The following STK33 variants were observed in gnomAD, a reference collection of about 807,000 sequenced individuals.
STK33 encodes the protein serine/threonine-protein kinase 33.
In STK33, 52 loss-of-function variants were observed where a neutral mutation model predicts 58.0. The ratio of observed to expected loss-of-function variants is 0.90; its 90% confidence interval spans 0.72 to 1.13. STK33 has a LOEUF of 1.13. Among genes scored for constraint, STK33 ranks in the 50% most tolerant of loss-of-function variants. The pLI, the probability that STK33 is intolerant of heterozygous loss-of-function variation, is 0.00. For synonymous variants in STK33, 215 were observed against 200.1 expected, an observed-to-expected ratio of 1.07 and a Z score of -0.63; for missense variants, 630 against 604.2, an observed-to-expected ratio of 1.04 and a Z score of -0.45.
intron 1 of STK33, among the ~76,000 whole-genome samples, chr11:8,560,874 A>G (rs1250311115): frequency 6.6e-6 from 1 of 152,150 alleles, no homozygotes; most frequent in Non-Finnish European, 1.5e-5. Flanking sequence ...CATAGCTGCT[A>G]TGTGGCAGTG....
chr11:8,351,697 G>A, the STK33 span, among the ~76,000 whole-genome samples: 117 of 152,330 alleles, frequency 7.7e-4, 1 homozygote, highest in Non-Finnish European at 1.4e-3. Context: ...AGCGTCGTCC[G>A]GAGGTGGACA....
intron 1 of STK33, among the ~76,000 whole-genome samples, chr11:8,535,663 A>T (rs1204176193): frequency 1.3e-5 from 2 of 152,216 alleles, no homozygotes; most frequent in Non-Finnish European, 2.9e-5. Context: ...GCCACTATGG[A>T]AAGCAGTATG....
intron 1 of STK33, among the ~76,000 whole-genome samples, chr11:8,538,577 C>T (rs1486674642): frequency 6.6e-6 from 1 of 152,168 alleles, no homozygotes; most frequent in East Asian, 1.9e-4. Flanking sequence ...TAAAAGATTA[C>T]TTTGTTGCCA....
At chr11:8,500,853 T>C (rs1591508117) in intron 1 of STK33, among the ~76,000 whole-genome samples, 2 of 152,130 alleles carry the variant, frequency 1.3e-5, no homozygotes, top group Non-Finnish European at 2.9e-5. Context: ...TAGGACAGAA[T>C]TGAGAGTCCA....
Position 8,406,075 on chromosome 11 carries a change from G to A in STK33, c.1344+7420C>T, listed in dbSNP as rs538144714. Among the ~76,000 whole-genome samples the A allele has an allele frequency of 1.5e-4, 23 of 149,404 alleles. No individual in the cohort carries two copies. In the South Asian group the frequency reaches 3.2e-3, roughly 21 times the overall value. Reference sequence around the variant, plus strand: ...GGAGAATGGCGGGAACCTGGGAGGCGGAGCTTGCAGTGAGCCGAGATCGCG... The same window carrying A: ...GGAGAATGGCGGGAACCTGGGAGGCAGAGCTTGCAGTGAGCCGAGATCGCG... On this transcript the variant is annotated intron_variant, in intron 15 of 15. Transcript: ENST00000687296.
At chr11:8,449,685 T>C (rs752789073) in intron 11 of STK33, among the ~76,000 whole-genome samples, 1 of 147,824 alleles carries the variant, frequency 6.8e-6, no homozygotes, top group Non-Finnish European at 1.5e-5. Context: ...TGTTAAATGA[T>C]GAGCTAATGG....
rs979214358 is a variant in STK33, at chr11:8,419,167, C to T, written c.1147-5475G>A. ...ATGAAATCTTTGCCGGTACCTATGTCCAGAATGGTGTTGCCTAGATTGTCT... is the reference window on the plus strand; with the variant it reads ...ATGAAATCTTTGCCGGTACCTATGTTCAGAATGGTGTTGCCTAGATTGTCT... On this transcript the variant is annotated intron_variant, in intron 14 of 15. Coordinates refer to ENST00000687296, the MANE Select transcript of STK33 (RefSeq NM_001352389.2). Among the ~76,000 whole-genome samples, 3 of 152,100 alleles carry T rather than the reference C, an allele frequency of 2.0e-5. No homozygotes were observed. The South Asian group carries it at 6.2e-4, about 32-fold the overall frequency.
At chr11:8,392,859 T>C (rs1848763670) in intron 15 of STK33, 149 bp from the exon 16 acceptor site, 5 of 715,410 alleles carry the variant, frequency 7.0e-6, no homozygotes, top group East Asian at 2.7e-5. Context: ...AAAATTATTA[T>C]TAAATGCCAA....
chr11:8,457,416 C>G lies in STK33; in HGVS notation c.622G>C (p.Gly208Arg), dbSNP rs772077540. 1 of 1,607,898 alleles carries G rather than the reference C, an allele frequency of 6.2e-7. No individual in the cohort carries two copies. Among genetic ancestry groups the G allele is most frequent in the Admixed American group, 1.7e-5 (1 of 59,972 alleles). ...CTTGTCTCATTCTCTGAGAAATGCC[C>G]TTTCCTATCCAGAATTTCTTTGAGT... ...GELKEILDRK[G>R]HFSENETRWI... The change falls in exon 9 of 16, where the codon GGG becomes CGG. Residue 208 changes from glycine to arginine, a missense_variant. Coordinates refer to ENST00000687296, the MANE Select transcript of STK33 (RefSeq NM_001352389.2).
chr11:8,569,545 C>A (rs1957663625), intron 1 of STK33, among the ~76,000 whole-genome samples: 1 of 152,184 alleles, frequency 6.6e-6, no homozygotes, highest in African/African-American at 2.4e-5. Flanking sequence ...TTATGACTTT[C>A]AGGTAAGTTA....
Position 8,392,557 on chromosome 11 carries a change from A to T in STK33, c.1498T>A (p.Tyr500Asn). 2 of 1,614,106 alleles carry T rather than the reference A, an allele frequency of 1.2e-6. No homozygotes were observed. Among genetic ancestry groups the T allele is most frequent in the Non-Finnish European group, 1.7e-6 (2 of 1,180,004 alleles). Residue 500 changes from tyrosine to asparagine, a missense_variant, in exon 16 of 16, where the codon TAC becomes AAC. By Grantham distance (143) the Tyr-to-Asn change is moderately radical. Transcript: ENST00000687296. ...GACAGGGCGCCGGATTTAGCAGGGT[A>T]CTTGGTTGCTGTTCCTTGGCTTGGA... is the stretch of plus-strand genomic sequence containing the variant. ...VTPSQGTATKYPAKSGALSRT... is the reference protein window; with the variant it reads ...VTPSQGTATKNPAKSGALSRT...
chr11:8,506,648 C>T (rs541218715), intron 1 of STK33, among the ~76,000 whole-genome samples: 4 of 152,164 alleles, frequency 2.6e-5, no homozygotes, highest in Middle Eastern at 3.4e-3. Context: ...AGATCCTTAA[C>T]CTTAATTAAT....
At chr11:8,468,166 G>A (rs1948407472) in intron 6 of STK33, among the ~76,000 whole-genome samples, 1 of 152,148 alleles carries the variant, frequency 6.6e-6, no homozygotes, top group South Asian at 2.1e-4. Context: ...CACATCTTAC[G>A]TGGATGGAAG....
intron 1 of STK33, among the ~76,000 whole-genome samples, chr11:8,550,443 C>T (rs1179177980): frequency 1.3e-5 from 2 of 152,172 alleles, no homozygotes; most frequent in African/African-American, 4.8e-5. Flanking sequence ...CCACACTCAA[C>T]CGGGATTTTC....
At position 8,527,478 on chromosome 11, in the gene STK33, G is replaced by GT. The variant is rs548742894; in HGVS notation, c.-465-46865dup. Among the ~76,000 whole-genome samples the GT allele has an allele frequency of 4.6e-3, 666 of 145,074 alleles. 5 individuals are homozygous for GT. The highest frequency in any genetic ancestry group is 0.027 in the South Asian group (125 of 4,614). ...TATGTTTCACAAGAAGTGAGTTTTT[G>GT]TTTTTTTTTTTAACAGTATCCCAAG... On this transcript the variant is annotated intron_variant, in intron 1 of 15. Transcript: ENST00000687296.
chr11:8,494,349 T>C (rs2138834171), intron 1 of STK33, among the ~76,000 whole-genome samples: 1 of 152,246 alleles, frequency 6.6e-6, no homozygotes, highest in South Asian at 2.1e-4. Context: ...TCACAATTGC[T>C]ACAAAGAGAA....
chr11:8,343,814 C>T, the STK33 span, among the ~76,000 whole-genome samples: 3 of 152,162 alleles, frequency 2.0e-5, no homozygotes, highest in Non-Finnish European at 4.4e-5. Flanking sequence ...GAGGGCAGTG[C>T]CCCAGCCCCT....
At chr11:8,382,784 A>T in the STK33 span, among the ~76,000 whole-genome samples, 1 of 152,110 alleles carries the variant, frequency 6.6e-6, no homozygotes, top group Non-Finnish European at 1.5e-5. Flanking sequence ...CCCTCCCCAT[A>T]TATCTCAGTG....
intron 15 of STK33, among the ~76,000 whole-genome samples, chr11:8,393,949 T>G (rs1316031744): frequency 6.6e-6 from 1 of 152,208 alleles, no homozygotes; most frequent in East Asian, 1.9e-4. Context: ...AAAGTGTGCC[T>G]CTTCAGAACA....
Sources: gnomAD v4.1 joint callset for allele counts (sites outside exome capture counted in the v4.1 genomes callset) on GRCh38, gnomAD v4.1.1 for gene constraint, MANE v1.5 for transcripts, NCBI Gene and HGNC (gene_info 2026-07-23, HGNC 2026-07-21) for gene names.